EIF4E: variants seen among roughly 807,000 people sequenced by gnomAD.
The protein encoded by EIF4E is eukaryotic translation initiation factor 4E.
For synonymous variants in EIF4E, 71 were observed against 88.5 expected (o/e 0.80, Z 1.11); for missense variants, 113 against 265.6 (o/e 0.43, Z 3.99).
chr4:98,899,157 G>A (rs980859037), intron 2 of EIF4E, among the ~76,000 whole-genome samples: 1 of 151,798 alleles, frequency 6.6e-6, no homozygotes, highest in African/African-American at 2.4e-5. Context: ...TCCCTGCCTT[G>A]GGTGAGTTAG....
intron 2 of EIF4E, among the ~76,000 whole-genome samples, chr4:98,896,882 C>T (rs543501610): frequency 6.6e-6 from 1 of 151,888 alleles, no homozygotes; most frequent in African/African-American, 2.4e-5. Context: ...GGCTTGGGTA[C>T]GGAAGGTGAA....
Position 98,891,868 on chromosome 4 carries a change from T to A in EIF4E, c.126-536A>T, listed in dbSNP as rs910474668. ...TATTACAGTGGCAAATAATGAGAGTTCTCCATTTCTTTCATTTAAAAGATA... is the reference window on the plus strand; with the variant it reads ...TATTACAGTGGCAAATAATGAGAGTACTCCATTTCTTTCATTTAAAAGATA... On this transcript the variant is annotated intron_variant, in intron 2 of 6. Transcript: ENST00000450253. Among the ~76,000 whole-genome samples the A allele has an allele frequency of 2.6e-5, 4 of 152,186 alleles. No individual in the cohort carries two copies. The South Asian group carries it at 6.2e-4, about 24-fold the overall frequency.
chr4:98,884,741 A>C (rs777206362), intron 6 of EIF4E, among the ~76,000 whole-genome samples, 181 bp downstream of exon 6: 1 of 149,140 alleles, frequency 6.7e-6, no homozygotes, highest in Non-Finnish European at 1.5e-5. Flanking sequence ...CTGTGAAAAA[A>C]CCCAAAAAAA....
In EIF4E at chr4:98,919,682, C is replaced by T. The variant is rs528998736; in HGVS notation, c.18+9413G>A. 2.4e-4 allele frequency among the ~76,000 whole-genome samples: 37 copies of T among 151,764 alleles called. No homozygotes were observed. The South Asian group carries it at 7.7e-3, about 32-fold the overall frequency. ...CAAGTGATTCTCCTGTCTCAGCCTC[C>T]CGAGTAGCTGGGACTACAGGCACGT... On this transcript the variant is annotated intron_variant, in intron 1 of 6. Coordinates refer to ENST00000450253, the MANE Select transcript of EIF4E (RefSeq NM_001968.5).
At chr4:98,928,984 G>A (rs571996039) in intron 1 of EIF4E, 111 bp downstream of exon 1, 2 of 1,572,640 alleles carry the variant, frequency 1.3e-6, no homozygotes, top group African/African-American at 2.7e-5. Context: ...AAGGGGAAGG[G>A]GCGGCAAGGG....
intron 1 of EIF4E, among the ~76,000 whole-genome samples, chr4:98,910,473 A>G (rs562379418): frequency 2.1e-4 from 32 of 152,338 alleles, no homozygotes; most frequent in African/African-American, 7.0e-4. Flanking sequence ...TGATGTGTAC[A>G]AATTGTGCAG....
intron 1 of EIF4E, among the ~76,000 whole-genome samples, chr4:98,904,579 T>C (rs1469008640): frequency 6.6e-6 from 1 of 152,206 alleles, no homozygotes; most frequent in African/African-American, 2.4e-5. Context: ...AAGACCAGCC[T>C]GGCCGACATG....
chr4:98,906,116 T>A (rs1253820395), intron 1 of EIF4E, among the ~76,000 whole-genome samples: 1 of 151,564 alleles, frequency 6.6e-6, no homozygotes, highest in Non-Finnish European at 1.5e-5. Context: ...AAACCACTTC[T>A]AGAAATAATG....
At chr4:98,922,332 C>T (rs542242328) in intron 1 of EIF4E, among the ~76,000 whole-genome samples, 99 of 152,056 alleles carry the variant, frequency 6.5e-4, no homozygotes, top group Admixed American at 2.5e-3. Context: ...CTGAGGTGGG[C>T]GGATCACGAG....
intron 1 of EIF4E, chr4:98,909,979 ATAAT>A (rs1179994851): frequency 4.2e-6 from 2 of 479,810 alleles, no homozygotes; most frequent in Non-Finnish European, 3.6e-6. Flanking sequence ...GTAAATTAGT[ATAAT>A]TAATTAACTA....
intron 1 of EIF4E, among the ~76,000 whole-genome samples, chr4:98,924,813 G>C (rs142627299): frequency 6.6e-6 from 1 of 151,582 alleles, no homozygotes; most frequent in African/African-American, 2.4e-5. Flanking sequence ...GGCTGGTCTC[G>C]AACACCTGAC....
At chr4:98,912,861 AAATC>A (rs1240703974) in intron 1 of EIF4E, among the ~76,000 whole-genome samples, 6 of 152,174 alleles carry the variant, frequency 3.9e-5, no homozygotes, top group African/African-American at 1.2e-4. Flanking sequence ...TTTTTTAAAA[AAATC>A]AATCTTTACA....
intron 1 of EIF4E, among the ~76,000 whole-genome samples, chr4:98,911,661 CAA>C (rs767631331): frequency 0.26 from 15,466 of 59,160 alleles, 448 homozygotes; most frequent in Non-Finnish European, 0.35. Flanking sequence ...AACTCTGTCT[CAA>C]AAAAAAAAAA....
chr4:98,906,274 T>C (rs1724871005), intron 1 of EIF4E, among the ~76,000 whole-genome samples: 1 of 152,162 alleles, frequency 6.6e-6, no homozygotes, highest in Non-Finnish European at 1.5e-5. Flanking sequence ...GAATAATCAG[T>C]AGTCCCTCTT....
At chr4:98,908,815 C>G (rs67517620) in intron 1 of EIF4E, among the ~76,000 whole-genome samples, 11,484 of 152,182 alleles carry the variant, frequency 0.075, 1,044 homozygotes, top group East Asian at 0.49. Flanking sequence ...ACTCTTCAGA[C>G]AAATCTGAAG....
chr4:98,912,467 G>A (rs1243139814), intron 1 of EIF4E, among the ~76,000 whole-genome samples: 4 of 150,834 alleles, frequency 2.7e-5, no homozygotes, highest in African/African-American at 4.9e-5. Flanking sequence ...TCCCAGCTAC[G>A]AAGGAGGCTG....
chr4:98,894,775 G>A (rs542211740), intron 2 of EIF4E, among the ~76,000 whole-genome samples: 35 of 152,288 alleles, frequency 2.3e-4, no homozygotes, highest in Admixed American at 2.0e-3. Context: ...TTTTTCCTTT[G>A]CTTTCACAAC....
intron 1 of EIF4E, among the ~76,000 whole-genome samples, chr4:98,917,477 C>T (rs941223242): frequency 2.0e-5 from 3 of 152,138 alleles, no homozygotes; most frequent in African/African-American, 7.2e-5. Context: ...TGAAGCCAAA[C>T]TATAAACCAA....
rs562931346 is a variant in EIF4E at position 98,928,742 on chromosome 4, G to T, written c.18+353C>A. The stretch of plus-strand genomic sequence containing the variant: ...CTGCGGATCCCAGTACTCGCTGGGA[G>T]CCGGCCCTGCGCCTTCCTATCATGA... On this transcript the variant is annotated intron_variant, in intron 1 of 6. Transcript: ENST00000450253. 7.6e-4 allele frequency among the ~76,000 whole-genome samples: 116 copies of T among 152,258 alleles called. 1 individual carries two copies. The highest frequency in any genetic ancestry group is 2.7e-3 in the African/African-American group (113 of 41,574).
Sources: allele counts gnomAD v4.1 joint callset (sites outside exome capture counted in the v4.1 genomes callset), GRCh38; gene constraint gnomAD v4.1.1; transcripts MANE v1.5; gene names NCBI Gene and HGNC (gene_info 2026-07-23, HGNC 2026-07-21).